TRPM2: variants seen among roughly 807,000 people sequenced by gnomAD.
TRPM2 encodes the protein estrogen-responsive element-associated gene 1 protein.
A neutral mutation model predicts 174.0 loss-of-function variants in TRPM2; 161 were observed. The observed-to-expected ratio is 0.93, with a 90% CI of 0.81 to 1.05. The LOEUF (loss-of-function observed/expected upper bound fraction) is 1.05. Ranked by LOEUF, TRPM2 falls within the 50% of genes least tolerant of loss-of-function variation. TRPM2 has a pLI of 0.00. For missense variants in TRPM2, 2,057 were observed against 2,038.0 expected, an observed-to-expected ratio of 1.01 and a Z score of -0.18; for synonymous variants, 954 against 861.3, an observed-to-expected ratio of 1.11 and a Z score of -1.88.
At chr21:44,427,376 TACGTGGGGATGGCTGTGCTGGGAGAGG>T (rs1179818042) in intron 27 of TRPM2, among the ~76,000 whole-genome samples, 2 of 152,078 alleles carry the variant, frequency 1.3e-5, no homozygotes, top group Non-Finnish European at 2.9e-5. Context: ...TTTGTCTGTG[TACGTGGGGATGGCTGTGCTGGGAGAGG>T]ACGATGCCTC....
At position 44,441,930 on chromosome 21, in the gene TRPM2, G is replaced by A; in HGVS notation, c.*113G>A. ...GCTGTTCCTGGGCCCTGCACATGAT[G>A]GGGTTTGGTGGACCCAGTGCCCCTC... On this transcript the variant is annotated 3_prime_UTR_variant, in exon 32 of 32. Transcript: ENST00000397928. 1 of 1,381,446 alleles carries A rather than the reference G, an allele frequency of 7.2e-7. No individual in the cohort carries two copies. Among genetic ancestry groups the A allele is most frequent in the East Asian group, 2.7e-5 (1 of 37,526 alleles). The allele number at this position is 1,381,446 out of a possible 1,614,324, so 85.6% of individuals were successfully genotyped here. A position where few individuals can be genotyped will look rare whatever the true frequency, so the allele number is the denominator to read the frequency against.
Position 44,353,820 on chromosome 21 carries a change from C to T in TRPM2, c.120C>T (p.Leu40=). Residue 40 remains leucine, a synonymous_variant, in exon 1 of 32, where the codon CTC becomes CTT. Transcript: ENST00000397928. ...VSNLRRSNSS[L]FKSWRLQCPF... ...ATCTCCGGCGCAGCAACAGCAGCCTCTTCAAGAGCTGGAGGCTACAGTGCC... is the reference window on the plus strand; with the variant it reads ...ATCTCCGGCGCAGCAACAGCAGCCTTTTCAAGAGCTGGAGGCTACAGTGCC... The T allele has an allele frequency of 1.2e-6, 2 of 1,601,018 alleles. No individual in the cohort carries two copies. Among genetic ancestry groups the T allele is most frequent in the South Asian group, 2.2e-5 (2 of 89,132 alleles).
chr21:44,396,156 A>AG (rs1442647238), intron 12 of TRPM2, among the ~76,000 whole-genome samples: 1 of 174 alleles, frequency 5.7e-3, no homozygotes, highest in Non-Finnish European at 8.2e-3. Context: ...AGGGGTGTGG[A>AG]GGCTGTGGAG....
Position 44,424,873 on chromosome 21 carries a change from C to T in TRPM2, c.3571C>T (p.Leu1191=), listed in dbSNP as rs564111374. The change falls in exon 24 of 32, where the codon CTG becomes TTG. Residue 1191 remains leucine, a synonymous_variant. Transcript: ENST00000397928. ...CCAGGTGGCCCAGACAGCCCAAGCC[C>T]TGCACTGGATCGTGAGGACGCTGCG... ...EEQVAQTAQA[L]HWIVRTLRAS... The T allele has an allele frequency of 4.0e-5, 64 of 1,607,172 alleles. No individual in the cohort carries two copies. In the South Asian group the frequency reaches 7.0e-4, roughly 18 times the overall value.
intron 16 of TRPM2, among the ~76,000 whole-genome samples, chr21:44,403,279 TCCTGGGG>T (rs2049692589): frequency 6.6e-6 from 1 of 152,142 alleles, no homozygotes; most frequent in African/African-American, 2.4e-5. Flanking sequence ...AGCTGCTGGG[TCCTGGGG>T]CCTGGGGCTA....
At chr21:44,436,051 A>ACCCCCTCAG in intron 28 of TRPM2, among the ~76,000 whole-genome samples, 1 of 144,928 alleles carries the variant, frequency 6.9e-6, no homozygotes, top group East Asian at 2.1e-4. Context: ...CCCCACACTC[A>ACCCCCTCAG]ACCCCCACCA....
chr21:44,399,771 C>T lies in TRPM2; in HGVS notation c.2208+330C>T, dbSNP rs1044481532. Among the ~76,000 whole-genome samples, 12 of 152,292 alleles carry T rather than the reference C, an allele frequency of 7.9e-5. No individual in the cohort carries two copies. The highest frequency in any genetic ancestry group is 1.3e-4 in the Non-Finnish European group (9 of 68,000). The stretch of plus-strand genomic sequence containing the variant: ...TGCCCTCTCTCCCTGGAGGGATAAG[C>T]GGGACACGGCGTGTCCTCCCTGGAG... On this transcript the variant is annotated intron_variant, in intron 14 of 31. Coordinates refer to ENST00000397928, the MANE Select transcript of TRPM2 (RefSeq NM_003307.4). This position sits in a 1 kb window ranked among gnomAD's most constrained non-coding sequence, Gnocchi z 4.6.
chr21:44,366,405 G>A lies in TRPM2; in HGVS notation c.424-349G>A, dbSNP rs1266574433. ...GACCCGGGGGAGGCAGGGCCCAGGC[G>A]CTACGGCGGGAATTGGAGTCTGTGC... On this transcript the variant is annotated intron_variant, in intron 3 of 31. Coordinates refer to ENST00000397928, the MANE Select transcript of TRPM2 (RefSeq NM_003307.4). The surrounding 1 kb of genome is among the most constrained non-coding windows in gnomAD (Gnocchi z 6.0). Among the ~76,000 whole-genome samples, 2 of 148,678 alleles carry A rather than the reference G, an allele frequency of 1.3e-5. No homozygotes were observed. The highest frequency in any genetic ancestry group is 5.2e-5 in the African/African-American group (2 of 38,108).
intron 27 of TRPM2, among the ~76,000 whole-genome samples, chr21:44,428,268 T>A (rs1168848549): frequency 6.6e-6 from 1 of 152,174 alleles, no homozygotes; most frequent in South Asian, 2.1e-4. Context: ...AGCTGAAGGC[T>A]GATTGTATAA....
intron 29 of TRPM2, among the ~76,000 whole-genome samples, chr21:44,437,880 G>T (rs1034326189): frequency 3.9e-5 from 6 of 152,386 alleles, no homozygotes; most frequent in Middle Eastern, 3.4e-3. Flanking sequence ...GTCCTGCCAG[G>T]CCTGGCCGTG....
At chr21:44,351,290 C>T (rs141763076), upstream of TRPM2, among the ~76,000 whole-genome samples, 8 of 152,136 alleles carry the variant, frequency 5.3e-5, no homozygotes, top group African/African-American at 1.9e-4. Flanking sequence ...CATGCGGGAC[C>T]CCCGGGGCTG....
intron 27 of TRPM2, among the ~76,000 whole-genome samples, chr21:44,428,526 GCTCCTCCCTGAGGTGTGA>G (rs1455132196): frequency 1.6e-4 from 23 of 145,676 alleles, no homozygotes; most frequent in Admixed American, 4.1e-4. Context: ...CTGAGGTGTG[GCTCCTCCCTGAGGTGTGA>G]CTCCTCCCCT....
intron 4 of TRPM2, among the ~76,000 whole-genome samples, chr21:44,368,721 C>G (rs556388714): frequency 6.0e-4 from 92 of 152,254 alleles, no homozygotes; most frequent in African/African-American, 2.1e-3. Flanking sequence ...CGTGAGCCAC[C>G]GTGCCCGGCC....
Position 44,405,909 on chromosome 21 carries a change from A to G in TRPM2, c.2662A>G (p.Ile888Val), listed in dbSNP as rs2049853692. 5 of 1,602,722 alleles carry G rather than the reference A, an allele frequency of 3.1e-6. No individual in the cohort carries two copies. Among genetic ancestry groups the G allele is most frequent in the Non-Finnish European group, 4.2e-6 (5 of 1,179,476 alleles). ...LFVAGLTCRL[I>V]PATLYPGRVI... ...GTGCTTCTGCCCGGCGGCCAGGCTC[A>G]TCCCGGCGACGCTGTACCCCGGGCG... Residue 888 changes from isoleucine to valine, a missense_variant, in exon 18 of 32, where the codon ATC (isoleucine) becomes GTC (valine). Ile to Val is a conservative substitution (Grantham distance 29). Coordinates refer to ENST00000397928, the MANE Select transcript of TRPM2 (RefSeq NM_003307.4).
At chr21:44,356,531 ATTTTTTT>A (rs143434691) in intron 2 of TRPM2, among the ~76,000 whole-genome samples, 2 of 137,632 alleles carry the variant, frequency 1.5e-5, no homozygotes, top group Non-Finnish European at 3.2e-5. Context: ...CTGCTTGGCT[ATTTTTTT>A]TTTTTTTTTT....
intron 4 of TRPM2, 68 bp from the exon 5 acceptor site, chr21:44,369,109 C>A (rs2146166253): frequency 1.4e-6 from 2 of 1,395,298 alleles, no homozygotes; most frequent in Non-Finnish European, 1.9e-6. Context: ...AGGGCTCAGG[C>A]GTCAGGCTCC....
rs956078777 is a variant in TRPM2 at position 44,375,072 on chromosome 21, C to T, written c.772-761C>T. On this transcript the variant is annotated intron_variant, in intron 5 of 31. Transcript: ENST00000397928. ...GACTACAGGTGTGCACCACCATGCC[C>T]GGCTAATTTTTTCATTTTTGTAGAC... Among the ~76,000 whole-genome samples, 11 of 152,260 alleles carry T rather than the reference C, an allele frequency of 7.2e-5. No homozygotes were observed. The South Asian group carries it at 8.3e-4, about 11-fold the overall frequency.
intron 16 of TRPM2, among the ~76,000 whole-genome samples, chr21:44,402,608 C>T (rs1224329530): frequency 6.6e-6 from 1 of 152,232 alleles, no homozygotes; most frequent in Non-Finnish European, 1.5e-5. Context: ...CCCCAAATCA[C>T]ACTGTGGGAC....
At chr21:44,435,335 C>T (rs372973572) in intron 28 of TRPM2, 118 bp downstream of exon 28, 4 of 1,080,992 alleles carry the variant, frequency 3.7e-6, no homozygotes, top group South Asian at 1.5e-5. Flanking sequence ...ATGCTTGGCA[C>T]TTGGTGCCTA....
Sources: gnomAD v4.1 joint callset for allele counts (sites outside exome capture counted in the v4.1 genomes callset) on GRCh38, gnomAD v4.1.1 for gene constraint, Gnocchi (gnomAD v3.1) non-coding constraint, MANE v1.5 for transcripts, NCBI Gene and HGNC (gene_info 2026-07-23, HGNC 2026-07-21) for gene names.